Variants in PTPRN2 observed in about 807,000 individuals in gnomAD.
PTPRN2 encodes receptor-type tyrosine-protein phosphatase N2.
Under a neutral mutation model 118.8 loss-of-function variants are expected in PTPRN2, and 74 were observed. The observed-to-expected ratio is 0.62, with a 90% confidence interval of 0.52 to 0.76. The LOEUF is 0.76. Among genes scored for constraint, PTPRN2 ranks in the 30% least tolerant of loss-of-function variants. The pLI is 0.00. For missense variants in PTPRN2, 1,481 were observed against 1,394.4 expected (o/e 1.06, Z -0.99); for synonymous variants, 641 against 608.0 (o/e 1.05, Z -0.80).
In PTPRN2 at chr7:158,166,971, T is replaced by G; in HGVS notation, c.870A>C (p.Ser290=). 6.9e-7 allele frequency: 1 copy of G among 1,452,476 alleles called. No homozygotes were observed. The highest frequency in any genetic ancestry group is 2.5e-5 in the East Asian group (1 of 39,760). The allele number at this position is 1,452,476 out of a possible 1,614,324, so 90.0% of individuals were successfully genotyped here. ...AGGGGTCTTCGGAATCTCCCAGAGGTGAAGGCCACTTCTGGGGGGCGGCTG... is the reference window on the plus strand; with the variant it reads ...AGGGGTCTTCGGAATCTCCCAGAGGGGAAGGCCACTTCTGGGGGGCGGCTG... ...LAPAAPQKWP[S]PLGDSEDPSS... is the part of the protein sequence containing the mutation. The change falls in exon 6 of 23, where the codon TCA becomes TCC. Residue 290 remains serine (S), a synonymous_variant. Transcript: ENST00000389418.
At chr7:157,730,397 C>T (rs938149970) in intron 12 of PTPRN2, among the ~76,000 whole-genome samples, 14 of 152,326 alleles carry the variant, frequency 9.2e-5, no homozygotes, top group Middle Eastern at 6.8e-3. Flanking sequence ...AGGAGGGTGT[C>T]GCAAGCGGCA....
At position 158,100,283 on chromosome 7, in the gene PTPRN2, C is replaced by T. The variant is rs566596138; in HGVS notation, c.1643+10546G>A. 3.8e-4 allele frequency among the ~76,000 whole-genome samples: 56 copies of T among 147,458 alleles called. No individual in the cohort carries two copies. In the Middle Eastern group the frequency reaches 0.01, roughly 27 times the overall value. On this transcript the variant is annotated intron_variant, in intron 10 of 22. Coordinates refer to ENST00000389418, the MANE Select transcript of PTPRN2 (RefSeq NM_002847.5). ...TGTGTGTGTGTGTGTGTGTGTGCCA[C>T]GATTTCTTTATCTACTCATTGATTG...
chr7:158,231,487 G>A (rs1829160294), intron 3 of PTPRN2, among the ~76,000 whole-genome samples: 1 of 152,114 alleles, frequency 6.6e-6, no homozygotes, highest in Admixed American at 6.5e-5. Context: ...GACATTAATA[G>A]ATCCAAAGGA....
intron 11 of PTPRN2, among the ~76,000 whole-genome samples, chr7:157,948,213 T>C (rs1478062903): frequency 2.0e-5 from 3 of 152,376 alleles, no homozygotes; most frequent in Middle Eastern, 3.4e-3. Context: ...TTGTCTTCTA[T>C]ATGATTTAAA....
chr7:157,542,506 A>C (rs1025259439), intron 22 of PTPRN2, among the ~76,000 whole-genome samples: 1 of 150,854 alleles, frequency 6.6e-6, no homozygotes, highest in Admixed American at 6.6e-5. Flanking sequence ...CTCCACCCCC[A>C]GGGCCAGTGC....
At chr7:158,063,721 C>T (rs1391036522) in intron 11 of PTPRN2, among the ~76,000 whole-genome samples, 1 of 152,150 alleles carries the variant, frequency 6.6e-6, no homozygotes, top group East Asian at 1.9e-4. Context: ...TTAGAAGGAA[C>T]AAACTCGGGA....
At chr7:158,305,601 T>A (rs1370124146) in intron 3 of PTPRN2, among the ~76,000 whole-genome samples, 1 of 152,110 alleles carries the variant, frequency 6.6e-6, no homozygotes, top group Non-Finnish European at 1.5e-5. Context: ...GATGTCCAGA[T>A]GAACGTTGAG....
intron 2 of PTPRN2, among the ~76,000 whole-genome samples, chr7:158,337,271 T>A (rs1357287582): frequency 4.7e-5 from 7 of 150,486 alleles, no homozygotes; most frequent in Non-Finnish European, 7.4e-5. Context: ...CAGACGTCAC[T>A]CAAACTCACA....
At chr7:158,110,772 C>T (rs999089336) in intron 10 of PTPRN2, 57 bp downstream of exon 10, 12 of 1,463,198 alleles carry the variant, frequency 8.2e-6, no homozygotes, top group African/African-American at 2.8e-5. Flanking sequence ...CCCTCCCACC[C>T]AGTCTCTGCG....
intron 12 of PTPRN2, chr7:157,740,569 T>C (rs921746295): frequency 6.6e-6 from 1 of 152,080 alleles, no homozygotes; most frequent in Non-Finnish European, 1.5e-5. Flanking sequence ...TCACCTGGGT[T>C]GGGGGTGGGT....
chr7:158,586,762 G>A (rs867979603), intron 1 of PTPRN2, among the ~76,000 whole-genome samples: 6 of 152,330 alleles, frequency 3.9e-5, no homozygotes, highest in African/African-American at 7.2e-5. Context: ...CCGCGGGGGG[G>A]TGCGGGGGAC....
At position 157,779,693 on chromosome 7, in the gene PTPRN2, C is replaced by T. The variant is rs573711126; in HGVS notation, c.1789-96756G>A. 9.8e-5 allele frequency among the ~76,000 whole-genome samples: 15 copies of T among 152,298 alleles called. No homozygotes were observed. The South Asian group carries it at 2.9e-3, about 29-fold the overall frequency. ...ACGAGCTGGGGTGAGGGGCCCCGGC[C>T]AGAAGGATGTCCTGATGAGGGGTCC... On this transcript the variant is annotated intron_variant, in intron 12 of 22. Coordinates refer to ENST00000389418, the MANE Select transcript of PTPRN2 (RefSeq NM_002847.5). The surrounding 1 kb of genome is among the most constrained non-coding windows in gnomAD (Gnocchi z 4.7).
chr7:158,270,903 CCACCCCCCCCACCTG>C (rs1798396109), intron 3 of PTPRN2, among the ~76,000 whole-genome samples: 1 of 52,830 alleles, frequency 1.9e-5, no homozygotes, highest in Admixed American at 1.9e-4. Flanking sequence ...TCCACCTGGA[CCACCCCCCCCACCTG>C]GACCACCCCC....
In PTPRN2 at chr7:158,425,073, G is replaced by A. The variant is rs141080017; in HGVS notation, c.163+64662C>T. Among the ~76,000 whole-genome samples, 1,441 of 152,348 alleles carry A rather than the reference G, an allele frequency of 9.5e-3. 15 individuals carry two copies. The highest frequency in any genetic ancestry group is 0.024 in the Middle Eastern group (7 of 294). ...CTCCTTCATGTGGCCATCACTTGAG[G>A]CCTTAAGACAAAAACAATCATGTTC... On this transcript the variant is annotated intron_variant, in intron 2 of 22. Coordinates refer to ENST00000389418, the MANE Select transcript of PTPRN2 (RefSeq NM_002847.5).
intron 6 of PTPRN2, among the ~76,000 whole-genome samples, chr7:158,151,500 C>T (rs1250497920): frequency 9.2e-5 from 14 of 151,864 alleles, no homozygotes; most frequent in African/African-American, 2.4e-4. Context: ...CCACACCGCC[C>T]GCCTTTCTGC....
At chr7:158,369,806 T>C (rs1022426482) in intron 2 of PTPRN2, among the ~76,000 whole-genome samples, 1 of 152,148 alleles carries the variant, frequency 6.6e-6, no homozygotes, top group Non-Finnish European at 1.5e-5. Flanking sequence ...TGGAAACCCA[T>C]GTAAATTCTA....
chr7:157,591,778 T>C lies in PTPRN2; in HGVS notation c.2496+3460A>G, dbSNP rs1325973508. On this transcript the variant is annotated intron_variant, in intron 17 of 22. Transcript: ENST00000389418. This position sits in a 1 kb window ranked among gnomAD's most constrained non-coding sequence, Gnocchi z 4.4. ...TGACTGTGCTAGGAAGCAACTCTCC[T>C]CCATCCTGCTCTGTGTGGATTTATG... Among the ~76,000 whole-genome samples, 1 of 152,204 alleles carries C rather than the reference T, an allele frequency of 6.6e-6. No homozygotes were observed. Among genetic ancestry groups the C allele is most frequent in the Non-Finnish European group, 1.5e-5 (1 of 68,030 alleles).
chr7:157,780,211 C>A lies in PTPRN2; in HGVS notation c.1789-97274G>T, dbSNP rs901288816. 9.2e-5 allele frequency among the ~76,000 whole-genome samples: 14 copies of A among 152,222 alleles called. No homozygotes were observed. The highest frequency in any genetic ancestry group is 1.8e-4 in the Non-Finnish European group (12 of 68,054). On this transcript the variant is annotated intron_variant, in intron 12 of 22. Transcript: ENST00000389418. The surrounding 1 kb of genome is among the most constrained non-coding windows in gnomAD (Gnocchi z 4.5). ...GGCCGTGTGTCCTCCTGGTCTACCT[C>A]CAGCACAAGGACGTTCCTCAGAGCA...
chr7:158,116,885 G>T (rs1037442457), intron 9 of PTPRN2, among the ~76,000 whole-genome samples: 4 of 152,102 alleles, frequency 2.6e-5, no homozygotes, highest in African/African-American at 7.2e-5. Flanking sequence ...TACACCTCAG[G>T]CTGATCCTTG....
Sources: gnomAD v4.1 joint callset for allele counts (sites outside exome capture counted in the v4.1 genomes callset) on GRCh38, gnomAD v4.1.1 for gene constraint, Gnocchi (gnomAD v3.1) non-coding constraint, MANE v1.5 for transcripts, NCBI Gene and HGNC (gene_info 2026-07-23, HGNC 2026-07-21) for gene names.